The following AFF1 variants were observed in gnomAD, a reference collection of about 807,000 sequenced individuals.
AFF1 encodes the protein ALF transcription elongation factor 1.
AFF1 carries 48 observed loss-of-function variants against 121.7 expected under a neutral mutation model. That is an observed-to-expected ratio of 0.39 (90% CI 0.31 to 0.50). The LOEUF is 0.50. Ranked by LOEUF, AFF1 falls within the 20% of genes least tolerant of loss-of-function variation. The pLI is 0.76. For missense variants in AFF1, 1,523 were observed against 1,511.7 expected, an observed-to-expected ratio of 1.01 and a Z score of -0.12; for synonymous variants, 613 against 563.0, an observed-to-expected ratio of 1.09 and a Z score of -1.26.
intron 2 of AFF1, among the ~76,000 whole-genome samples, chr4:87,021,487 C>T (rs191230230): frequency 8.5e-5 from 13 of 152,342 alleles, no homozygotes; most frequent in African/African-American, 3.1e-4. Flanking sequence ...AGGTGATTTA[C>T]ATCTGGCTTT....
At chr4:87,088,466 A>G (rs576814064) in intron 5 of AFF1, among the ~76,000 whole-genome samples, 11 of 152,362 alleles carry the variant, frequency 7.2e-5, no homozygotes, top group African/African-American at 2.6e-4. Context: ...AGCTGTTGCA[A>G]GGATCAAATG....
chr4:86,951,653 T>A, intron 2 of AFF1, among the ~76,000 whole-genome samples: 1 of 139,696 alleles, frequency 7.2e-6, no homozygotes, highest in Non-Finnish European at 1.5e-5. Context: ...AGACGGAGTC[T>A]CCCTCTGTCA....
chr4:87,059,119 C>T (rs763148731), intron 4 of AFF1, among the ~76,000 whole-genome samples: 2 of 152,210 alleles, frequency 1.3e-5, no homozygotes, highest in Admixed American at 6.5e-5. Context: ...CCCTGGTGAC[C>T]TCATTTGCAC....
intron 4 of AFF1, among the ~76,000 whole-genome samples, chr4:87,062,682 G>A (rs954380225): frequency 4.6e-5 from 7 of 152,076 alleles, no homozygotes; most frequent in African/African-American, 1.7e-4. Flanking sequence ...ACATTCATCA[G>A]CATACAAAAG....
Position 87,114,539 on chromosome 4 carries a change from C to G in AFF1, c.1706C>G (p.Pro569Arg). The G allele has an allele frequency of 6.2e-7, 1 of 1,612,234 alleles. No individual in the cohort carries two copies. Among genetic ancestry groups the G allele is most frequent in the South Asian group, 1.1e-5 (1 of 90,982 alleles). The stretch of plus-strand genomic sequence containing the variant: ...CAGGAGCATTCTGAATCCAAAGATC[C>G]TCCCCCTAAAAGCTCCAGCAAAGCC... The part of the protein sequence containing the change: ...TSQEHSESKD[P>R]PPKSSSKAPR... The change falls in exon 12 of 21, where the codon CCT (proline) becomes CGT (arginine). Residue 569 changes from proline to arginine, a missense_variant. Transcript: ENST00000395146.
chr4:86,992,847 A>G, intron 2 of AFF1, among the ~76,000 whole-genome samples: 1 of 152,312 alleles, frequency 6.6e-6, no homozygotes, highest in Middle Eastern at 3.4e-3. Context: ...AATATGTATA[A>G]TTGGTTATTA....
At position 87,126,327 on chromosome 4, in the gene AFF1, G is replaced by C; in HGVS notation, c.2802G>C (p.Ser934=). The change falls in exon 14 of 21, where the codon TCG becomes TCC. Residue 934 remains serine (S), a synonymous_variant. Coordinates refer to ENST00000395146, the MANE Select transcript of AFF1 (RefSeq NM_001166693.3). ...RVEGKGSRSS[S]EHKGSSGDTA... ...AGGGGAAGGGCTCCAGAAGCTCCTCGGAGCACAAGGTGAGCAGGGGCGGCG... is the reference window on the plus strand; with the variant it reads ...AGGGGAAGGGCTCCAGAAGCTCCTCCGAGCACAAGGTGAGCAGGGGCGGCG... 6.2e-7 allele frequency: 1 copy of C among 1,614,000 alleles called. No homozygotes were observed.
At chr4:87,106,920 C>T (rs1206021259) in intron 10 of AFF1, among the ~76,000 whole-genome samples, 1 of 152,132 alleles carries the variant, frequency 6.6e-6, no homozygotes, top group East Asian at 1.9e-4. Flanking sequence ...TTATTTTGTT[C>T]AGTAATTTCT....
At chr4:87,006,121 T>A (rs944376904) in intron 2 of AFF1, among the ~76,000 whole-genome samples, 1 of 152,218 alleles carries the variant, frequency 6.6e-6, no homozygotes, top group African/African-American at 2.4e-5. Context: ...TCACGACGAT[T>A]TAGTAATACA....
intron 7 of AFF1, among the ~76,000 whole-genome samples, chr4:87,094,631 C>T (rs1724642995): frequency 6.6e-6 from 1 of 152,196 alleles, no homozygotes. Context: ...GCCTCCACCC[C>T]TGTCAAGGAC....
chr4:87,056,911 T>C (rs1720200027), intron 4 of AFF1, among the ~76,000 whole-genome samples: 3 of 152,246 alleles, frequency 2.0e-5, no homozygotes, highest in African/African-American at 7.2e-5. Flanking sequence ...GGTAGGGTAC[T>C]GTTACCATCC....
rs1041008667 is a variant in AFF1, at chr4:87,138,112, T to C, written c.*2411T>C. The C allele has an allele frequency of 1.3e-5, 3 of 231,402 alleles. No homozygotes were observed. The highest frequency in any genetic ancestry group is 2.6e-5 in the Non-Finnish European group (3 of 116,972). 14.3% of individuals were successfully genotyped at this position (231,402 alleles called of 1,614,324 possible). On this transcript the variant is annotated 3_prime_UTR_variant, in exon 21 of 21. Transcript: ENST00000395146. ...CAAATGTGCATAGATCAATTTGTAC[T>C]ACTTTGGTCATTGGATATTTCTGAT...
intron 4 of AFF1, among the ~76,000 whole-genome samples, chr4:87,073,201 G>T (rs953582265): frequency 5.0e-5 from 7 of 139,334 alleles, no homozygotes; most frequent in Non-Finnish European, 9.1e-5. Flanking sequence ...TAAATGAATT[G>T]TACATTCCCA....
chr4:86,971,481 T>A lies in AFF1; in HGVS notation c.38+22910T>A, dbSNP rs145835969. On this transcript the variant is annotated intron_variant, in intron 2 of 20. Transcript: ENST00000395146. ...CCCATACATTTGGTCCTTGTGTTGC[T>A]AGCAGATATGAATTAAGCAGTAGTT... is the stretch of plus-strand genomic sequence containing the variant. Among the ~76,000 whole-genome samples, 48 of 152,340 alleles carry A rather than the reference T, an allele frequency of 3.2e-4. 1 individual carries two copies. Among genetic ancestry groups the A allele is most frequent in the African/African-American group, 1.1e-3 (47 of 41,584 alleles).
At chr4:87,124,378 T>G (rs1209067370) in intron 12 of AFF1, among the ~76,000 whole-genome samples, 1 of 152,194 alleles carries the variant, frequency 6.6e-6, no homozygotes, top group Non-Finnish European at 1.5e-5. Context: ...TATGGAGAGA[T>G]ATAAAGACAG....
At chr4:87,006,894 G>T in intron 2 of AFF1, 1 of 942,176 alleles carries the variant, frequency 1.1e-6, no homozygotes, top group Non-Finnish European at 1.3e-6. Context: ...GGGCCGCCGA[G>T]CGCCCTGCCC....
At chr4:87,085,683 TCA>T (rs1236186050) in intron 5 of AFF1, among the ~76,000 whole-genome samples, 1 of 152,084 alleles carries the variant, frequency 6.6e-6, no homozygotes, top group African/African-American at 2.4e-5. Flanking sequence ...TGTTTTTGTT[TCA>T]CAGTCTTTTG....
rs746979707 is a variant in AFF1, at chr4:87,114,437, C to T, written c.1604C>T (p.Pro535Leu). 2.5e-6 allele frequency: 4 copies of T among 1,612,954 alleles called. No homozygotes were observed. Among genetic ancestry groups the T allele is most frequent in the Non-Finnish European group, 3.4e-6 (4 of 1,179,894 alleles). ...WLTKVSQPAA[P>L]PEGPRSTEPP... ...ACCAAAGTCAGCCAGCCAGCTGCGC[C>T]ACCAGAGGGCCCCAGGAGCACAGAG... The change falls in exon 12 of 21, where the codon CCA (proline) becomes CTA (leucine). Residue 535 changes from proline to leucine, a missense_variant. Pro to Leu is a moderately conservative substitution (Grantham distance 98). This residue lies in a region of AFF1 where 905 missense variants were observed against 842.5 expected (regional missense o/e 1.07). Coordinates refer to ENST00000395146, the MANE Select transcript of AFF1 (RefSeq NM_001166693.3).
At chr4:86,990,795 AT>A (rs1724640424) in intron 2 of AFF1, among the ~76,000 whole-genome samples, 7 of 152,122 alleles carry the variant, frequency 4.6e-5, no homozygotes, top group African/African-American at 1.4e-4. Context: ...TGGGTGGAAA[AT>A]ATTTATTTAT....
Sources: gnomAD v4.1 joint callset for allele counts (sites outside exome capture counted in the v4.1 genomes callset) on GRCh38, gnomAD v4.1.1 for gene constraint, gnomAD v4.1.1 regional missense constraint, MANE v1.5 for transcripts, NCBI Gene and HGNC (gene_info 2026-07-23, HGNC 2026-07-21) for gene names.